KCNA7: variants seen among roughly 807,000 people sequenced by gnomAD.
KCNA7 encodes potassium channel, voltage gated shaker related subfamily A, member 7.
Under a neutral mutation model 21.5 loss-of-function variants are expected in KCNA7, and 15 were observed. The observed-to-expected ratio is 0.70, with a 90% CI of 0.47 to 1.07. The LOEUF (loss-of-function observed/expected upper bound fraction) is 1.07, where lower values mean the gene tolerates loss of function less well. KCNA7 is among the 50% of genes least tolerant of loss of function. KCNA7 has a pLI of 0.00. For missense variants in KCNA7, 640 were observed against 651.6 expected (o/e 0.98, Z 0.19); for synonymous variants, 298 against 291.0 (o/e 1.02, Z -0.24).
In KCNA7 at chr19:49,072,691, CCGG is replaced by C. The variant is rs2040269749; in HGVS notation, c.-109_-107del. 1.8e-6 allele frequency: 1 copy of C among 552,080 alleles called. No homozygotes were observed. The highest frequency in any genetic ancestry group is 2.2e-6 in the Non-Finnish European group (1 of 461,716). The allele number at this position is 552,080 out of a possible 1,614,324, so 34.2% of individuals were successfully genotyped here. A position where few individuals can be genotyped will look rare whatever the true frequency, so the allele number is the denominator to read the frequency against. On this transcript the variant is annotated 5_prime_UTR_variant, in exon 1 of 2. Coordinates refer to ENST00000221444, the MANE Select transcript of KCNA7 (RefSeq NM_031886.3). ...CGGCCGCCGCCGCCGCCGCCCCAGC[CCGG>C]TGTCCGGTGTCCGGTGTCCGCGCGT... is the stretch of plus-strand genomic sequence containing the variant.
In KCNA7 at chr19:49,072,172, G is replaced by A. The variant is rs771444666; in HGVS notation, c.414C>T (p.Ser138=). The A allele has an allele frequency of 1.2e-6, 2 of 1,611,916 alleles. No homozygotes were observed. Among genetic ancestry groups the A allele is most frequent in the East Asian group, 2.2e-5 (1 of 44,844 alleles). ...QLWLLFEFPE[S]SQAARVLAVV... ...CGGCGAGCACGCGCGCGGCCTGAGA[G>A]CTCTCGGGAAACTCGAAAAGCAGCC... is the stretch of plus-strand genomic sequence containing the variant. The change falls in exon 1 of 2, where the codon AGC becomes AGT. Residue 138 remains serine, a synonymous_variant. Coordinates refer to ENST00000221444, the MANE Select transcript of KCNA7 (RefSeq NM_031886.3).
At position 49,070,584 on chromosome 19, in the gene KCNA7, G is replaced by A. The variant is rs546430763; in HGVS notation, c.850C>T (p.Arg284Cys). The A allele has an allele frequency of 6.8e-6, 11 of 1,614,050 alleles. No homozygotes were observed. In the East Asian group the frequency reaches 1.1e-4, roughly 16 times the overall value. ...GACAGCTTGAAGATGCGGAAGACAC[G>A]CACCAATCGGATGACTCTCAGGATG... Reference protein sequence around the residue: ...LAILRVIRLVRVFRIFKLSRH... With the variant: ...LAILRVIRLVCVFRIFKLSRH... The change falls in exon 2 of 2, where the codon CGT becomes TGT. Residue 284 changes from arginine (R) to cysteine (C), a missense_variant. Arg to Cys is a radical substitution (Grantham distance 180, BLOSUM62 -3). Transcript: ENST00000221444. This position sits in a 1 kb window ranked among gnomAD's most constrained non-coding sequence, Gnocchi z 4.3.
chr19:49,072,081 G>T lies in KCNA7; in HGVS notation c.505C>A (p.Arg169Ser), dbSNP rs1285279832. ...VFCLETLPDF[R>S]DDRDGTGLAA... ...AGCCCCGTGCCGTCGCGGTCGTCGC[G>T]GAAGTCAGGCAGCGTCTCGAGGCAG... The change falls in exon 1 of 2, where the codon CGC (arginine) becomes AGC (serine). Residue 169 changes from arginine (R) to serine (S), a missense_variant. Transcript: ENST00000221444. 3.1e-6 allele frequency: 5 copies of T among 1,611,194 alleles called. No individual in the cohort carries two copies. The highest frequency in any genetic ancestry group is 4.2e-6 in the Non-Finnish European group (5 of 1,179,352).
At position 49,072,385 on chromosome 19, in the gene KCNA7, G is replaced by A; in HGVS notation, c.201C>T (p.Ala67=). The A allele has an allele frequency of 1.3e-6, 2 of 1,591,396 alleles. No homozygotes were observed. The highest frequency in any genetic ancestry group is 1.7e-6 in the Non-Finnish European group (2 of 1,174,418). ...CACCGGACTGGTAGTAGTAGAGCACGGCGTCGAAGCTGGGCCGGTGCCGGT... is the reference window on the plus strand; with the variant it reads ...CACCGGACTGGTAGTAGTAGAGCACAGCGTCGAAGCTGGGCCGGTGCCGGT... ...FFDRHRPSFD[A]VLYYYQSGGR... The change falls in exon 1 of 2, where the codon GCC becomes GCT. Residue 67 remains alanine (A), a synonymous_variant. Transcript: ENST00000221444.
chr19:49,070,973 A>G lies in KCNA7; in HGVS notation c.556-95T>C, dbSNP rs2040253830. 2.8e-6 allele frequency: 3 copies of G among 1,064,274 alleles called. No individual in the cohort carries two copies. The allele number at this position is 1,064,274 out of a possible 1,614,324, so 65.9% of individuals were successfully genotyped here. ...TTAAATACCCAGCTCCTCTTTACAC[A>G]TTGGTCAGTAGCCGCTGCGCCAAGG... On this transcript the variant is annotated intron_variant, in intron 1 of 1. Transcript: ENST00000221444. This position sits in a 1 kb window ranked among gnomAD's most constrained non-coding sequence, Gnocchi z 4.3.
In KCNA7 at chr19:49,072,016, C is replaced by G. The variant is rs750107860; in HGVS notation, c.555+15G>C. The stretch of plus-strand genomic sequence containing the variant: ...CCCAAACCCCGCCCGTCTCCACCCA[C>G]GCCCCGCCTCTCACCGGGCCGGCTG... On this transcript the variant is annotated intron_variant, in intron 1 of 1. Coordinates refer to ENST00000221444, the MANE Select transcript of KCNA7 (RefSeq NM_031886.3). The G allele has an allele frequency of 1.1e-5, 17 of 1,574,666 alleles. No homozygotes were observed. The highest frequency in any genetic ancestry group is 3.6e-5 in the Admixed American group (2 of 55,442).
chr19:49,070,115 A>C lies in KCNA7; in HGVS notation c.1319T>G (p.Leu440Arg). Residue 440 changes from leucine to arginine, a missense_variant, in exon 2 of 2, where the codon CTA (leucine) becomes CGA (arginine). By Grantham distance (102) the Leu-to-Arg change is moderately radical (BLOSUM62 -2). Transcript: ENST00000221444. This position sits in a 1 kb window ranked among gnomAD's most constrained non-coding sequence, Gnocchi z 4.3. ...GGLVDGEVPE[L>R]PPPLWAPPGK... is the part of the protein sequence containing the mutation. ...TGGGGGTGCCCAGAGTGGAGGTGGT[A>C]GCTCAGGTACCTCCCCGTCCACCAG... The C allele has an allele frequency of 6.2e-7, 1 of 1,613,122 alleles. No individual in the cohort carries two copies. Among genetic ancestry groups the C allele is most frequent in the Middle Eastern group, 1.6e-4 (1 of 6,062 alleles).
chr19:49,070,638 C>T lies in KCNA7; in HGVS notation c.796G>A (p.Gly266Arg). The T allele has an allele frequency of 6.2e-7, 1 of 1,614,238 alleles. No homozygotes were observed. The highest frequency in any genetic ancestry group is 8.5e-7 in the Non-Finnish European group (1 of 1,180,042). ...AGTGACATGGCCTGCTGGCCCACCC[C>T]TCGCTGCCGGGCCAGCTCGGTGCCC... ...ALGTELARQR[G>R]VGQQAMSLAI... Residue 266 changes from glycine (G) to arginine (R), a missense_variant, in exon 2 of 2, where the codon GGG becomes AGG. Coordinates refer to ENST00000221444, the MANE Select transcript of KCNA7 (RefSeq NM_031886.3). The surrounding 1 kb of genome is among the most constrained non-coding windows in gnomAD (Gnocchi z 4.3).
Position 49,069,620 on chromosome 19 carries a change from CA to C in KCNA7, c.*442del, listed in dbSNP as rs1408498250. The C allele has an allele frequency of 6.1e-6, 1 of 163,326 alleles. No individual in the cohort carries two copies. The highest frequency in any genetic ancestry group is 1.3e-5 in the Non-Finnish European group (1 of 75,278). The allele number at this position is 163,326 out of a possible 1,614,324, so 10.1% of individuals were successfully genotyped here. A position where few individuals can be genotyped will look rare whatever the true frequency, so the allele number is the denominator to read the frequency against. On this transcript the variant is annotated 3_prime_UTR_variant, in exon 2 of 2. Coordinates refer to ENST00000221444, the MANE Select transcript of KCNA7 (RefSeq NM_031886.3). ...CGATCTCAACAATGCCATGGGGGAC[CA>C]TCTAACTTGACCCAACATGGCCCTA...
chr19:49,070,024 T>C lies in KCNA7; in HGVS notation c.*39A>G. On this transcript the variant is annotated 3_prime_UTR_variant, in exon 2 of 2. Transcript: ENST00000221444. This position sits in a 1 kb window ranked among gnomAD's most constrained non-coding sequence, Gnocchi z 4.3. ...CTCCACCCTGCCCTCCCTCCCTCCC[T>C]CTAGGGAGGTGTGAGGTCCTGCAGA... The C allele has an allele frequency of 4.7e-6, 5 of 1,070,052 alleles. No individual in the cohort carries two copies. Among genetic ancestry groups the C allele is most frequent in the Non-Finnish European group, 4.0e-6 (3 of 749,172 alleles). The allele number at this position is 1,070,052 out of a possible 1,614,324, so 66.3% of individuals were successfully genotyped here. A position where few individuals can be genotyped will look rare whatever the true frequency, so the allele number is the denominator to read the frequency against.
At position 49,069,323 on chromosome 19, in the gene KCNA7, T is replaced by C. The variant is rs2040239958; in HGVS notation, c.*740A>G. On this transcript the variant is annotated 3_prime_UTR_variant, in exon 2 of 2. Coordinates refer to ENST00000221444, the MANE Select transcript of KCNA7 (RefSeq NM_031886.3). ...ACTGGCCTTACAAGGCTCATATGGT[T>C]GTACAATTCAACACAACTCAACTCG... 1 of 152,202 alleles carries C rather than the reference T, an allele frequency of 6.6e-6. No homozygotes were observed. The highest frequency in any genetic ancestry group is 1.5e-5 in the Non-Finnish European group (1 of 68,076). The allele number at this position is 152,202 out of a possible 1,614,324, so 9.4% of individuals were successfully genotyped here.
At position 49,068,338 on chromosome 19, in the gene KCNA7, G is replaced by C. The variant is rs2040232969; in HGVS notation, c.*1725C>G. ...TCTTTTTGTTTGTTTGTTGAGACGGGGGCTCCCTCTGTTGCCCAGGCTGGA... is the reference window on the plus strand; with the variant it reads ...TCTTTTTGTTTGTTTGTTGAGACGGCGGCTCCCTCTGTTGCCCAGGCTGGA... On this transcript the variant is annotated 3_prime_UTR_variant, in exon 2 of 2. Coordinates refer to ENST00000221444, the MANE Select transcript of KCNA7 (RefSeq NM_031886.3). The C allele has an allele frequency of 7.0e-6, 1 of 143,464 alleles. No homozygotes were observed. Among genetic ancestry groups the C allele is most frequent in the Non-Finnish European group, 1.5e-5 (1 of 64,716 alleles). The allele number at this position is 143,464 out of a possible 1,614,324, so 8.9% of individuals were successfully genotyped here.
At position 49,072,071 on chromosome 19, in the gene KCNA7, C is replaced by G; in HGVS notation, c.515G>C (p.Arg172Pro). ...LETLPDFRDD[R>P]DGTGLAAAAA... is the part of the protein sequence containing the mutation. Reference sequence around the variant, plus strand: ...TGCAGCAGCAAGCCCCGTGCCGTCGCGGTCGTCGCGGAAGTCAGGCAGCGT... The same window carrying G: ...TGCAGCAGCAAGCCCCGTGCCGTCGGGGTCGTCGCGGAAGTCAGGCAGCGT... Residue 172 changes from arginine (R) to proline (P), a missense_variant, in exon 1 of 2, where the codon CGC (arginine) becomes CCC (proline). Transcript: ENST00000221444. 6.2e-7 allele frequency: 1 copy of G among 1,609,984 alleles called. No homozygotes were observed. Among genetic ancestry groups the G allele is most frequent in the Non-Finnish European group, 8.5e-7 (1 of 1,178,896 alleles).
rs561867781 is a variant in KCNA7, at chr19:49,070,862, T to C, written c.572A>G (p.Asn191Ser). The stretch of plus-strand genomic sequence containing the variant: ...ATTTCCAGGCATTTGGCTGGAGCCA[T>C]TCAGCGGAGCGGGGAACTGCAGGGA... ...AAAGPFPAPL[N>S]GSSQMPGNPP... is the part of the protein sequence containing the mutation. Residue 191 changes from asparagine to serine, a missense_variant, in exon 2 of 2, where the codon AAT (asparagine) becomes AGT (serine). Physicochemically the swap from Asn to Ser is conservative, Grantham distance 46. Transcript: ENST00000221444. The surrounding 1 kb of genome is among the most constrained non-coding windows in gnomAD (Gnocchi z 4.3). 6.2e-7 allele frequency: 1 copy of C among 1,613,320 alleles called. No individual in the cohort carries two copies. The highest frequency in any genetic ancestry group is 1.3e-5 in the African/African-American group (1 of 74,910).
rs747832894 is a variant in KCNA7 at position 49,070,648 on chromosome 19, G to A, written c.786C>T (p.Ala262=). 3.1e-6 allele frequency: 5 copies of A among 1,614,118 alleles called. No individual in the cohort carries two copies. Among genetic ancestry groups the A allele is most frequent in the Admixed American group, 3.3e-5 (2 of 60,012 alleles). The change falls in exon 2 of 2, where the codon GCC becomes GCT. Residue 262 remains alanine, a synonymous_variant. Coordinates refer to ENST00000221444, the MANE Select transcript of KCNA7 (RefSeq NM_031886.3). This position sits in a 1 kb window ranked among gnomAD's most constrained non-coding sequence, Gnocchi z 4.3. ...PYFVALGTEL[A]RQRGVGQQAM... ...CCTGCTGGCCCACCCCTCGCTGCCG[G>A]GCCAGCTCGGTGCCCAGTGCCACAA... is the stretch of plus-strand genomic sequence containing the variant.
chr19:49,070,917 G>T lies in KCNA7; in HGVS notation c.556-39C>A. ...AGTGTTCAGGGAGGGTCAGGCTGGGGCTAGGACACGGGGACAGCCTTAATC... is the reference window on the plus strand; with the variant it reads ...AGTGTTCAGGGAGGGTCAGGCTGGGTCTAGGACACGGGGACAGCCTTAATC... On this transcript the variant is annotated intron_variant, in intron 1 of 1. Coordinates refer to ENST00000221444, the MANE Select transcript of KCNA7 (RefSeq NM_031886.3). This position sits in a 1 kb window ranked among gnomAD's most constrained non-coding sequence, Gnocchi z 4.3. 4 of 1,539,444 alleles carry T rather than the reference G, an allele frequency of 2.6e-6. No homozygotes were observed. The highest frequency in any genetic ancestry group is 3.5e-6 in the Non-Finnish European group (4 of 1,128,898).
At chr19:49,071,360 A>G (rs1257142541) in intron 1 of KCNA7, among the ~76,000 whole-genome samples, 1 of 152,030 alleles carries the variant, frequency 6.6e-6, no homozygotes, top group East Asian at 1.9e-4. Context: ...AATAGAGACC[A>G]TCCTGGCCAA....
chr19:49,071,985 T>TCTC, intron 1 of KCNA7, 46 bp downstream of exon 1: 1 of 1,243,278 alleles, frequency 8.0e-7, no homozygotes, highest in Non-Finnish European at 1.1e-6. Context: ...ACCCCGCCCA[T>TCTC]CTCCTCCCAA....
rs764627605 is a variant in KCNA7, at chr19:49,070,055, A to G, written c.*8T>C. ...GAGGTGTGAGGTCCTGCAGACCTCA[A>G]CTGTTCCTCACACTTCGGTGACCAG... is the stretch of plus-strand genomic sequence containing the variant. On this transcript the variant is annotated 3_prime_UTR_variant, in exon 2 of 2. Coordinates refer to ENST00000221444, the MANE Select transcript of KCNA7 (RefSeq NM_031886.3). The surrounding 1 kb of genome is among the most constrained non-coding windows in gnomAD (Gnocchi z 4.3). 3.6e-5 allele frequency: 58 copies of G among 1,592,986 alleles called. No individual in the cohort carries two copies. The highest frequency in any genetic ancestry group is 4.5e-5 in the Non-Finnish European group (52 of 1,167,178).
Sources: allele counts gnomAD v4.1 joint callset (sites outside exome capture counted in the v4.1 genomes callset), GRCh38; gene constraint gnomAD v4.1.1; non-coding constraint Gnocchi (gnomAD v3.1); transcripts MANE v1.5; gene names NCBI Gene and HGNC (gene_info 2026-07-23, HGNC 2026-07-21).